AOPEP: variants seen among roughly 807,000 people sequenced by gnomAD.
The protein encoded by AOPEP is aminopeptidase O (putative).
AOPEP carries 77 observed loss-of-function variants against 98.1 expected under a neutral mutation model. The observed-to-expected ratio is 0.78, with a 90% CI of 0.65 to 0.95. The LOEUF (loss-of-function observed/expected upper bound fraction) is 0.95, where lower values mean the gene tolerates loss of function less well. Among genes scored for constraint, AOPEP ranks in the 40% least tolerant of loss-of-function variants. The probability of loss-of-function intolerance (pLI) is 0.00; values close to 1 mark genes in which losing one functional copy is unlikely to be tolerated. For synonymous variants in AOPEP, 346 were observed against 365.3 expected (o/e 0.95, Z 0.60); for missense variants, 1,024 against 1,024.7 (o/e 1.00, Z 0.01).
intron 13 of AOPEP, among the ~76,000 whole-genome samples, chr9:95,057,932 A>G (rs1259892103): frequency 6.6e-6 from 1 of 152,178 alleles, no homozygotes; most frequent in Non-Finnish European, 1.5e-5. Context: ...GGGAGTGTCC[A>G]TCCTTGCTTC....
chr9:94,800,815 AC>A lies in AOPEP; in HGVS notation c.1179del (p.Thr394ProfsTer26). The A allele has an allele frequency of 1.2e-6, 2 of 1,614,164 alleles. No homozygotes were observed. Among genetic ancestry groups the A allele is most frequent in the Non-Finnish European group, 1.7e-6 (2 of 1,180,024 alleles). ...CTGCCGCTTCCAGAATGCTTCTGCCACCACCCAGGAGATCATTCCTCATCGG... is the reference window on the plus strand; with the variant it reads ...CTGCCGCTTCCAGAATGCTTCTGCCACACCCAGGAGATCATTCCTCATCGG... ...YPCRFQNASA[T>X]TQEIIPHRVF... On this transcript the variant is annotated frameshift_variant, in exon 5 of 17. Coordinates refer to ENST00000375315, the MANE Select transcript of AOPEP (RefSeq NM_001193329.3). LOFTEE classifies it high-confidence loss of function.
intron 2 of AOPEP, among the ~76,000 whole-genome samples, chr9:94,768,996 AAC>A (rs1840253123): frequency 6.6e-6 from 1 of 152,346 alleles, no homozygotes; most frequent in African/African-American, 2.4e-5. Flanking sequence ...ATTCATTATA[AAC>A]ACACATAGAT....
At chr9:95,122,008 C>T in the AOPEP span, among the ~76,000 whole-genome samples, 99 of 152,158 alleles carry the variant, frequency 6.5e-4, no homozygotes, top group African/African-American at 2.2e-3. Flanking sequence ...TAAGCGCCCA[C>T]CACCATGCCC....
At chr9:95,061,358 A>G (rs1051538296) in intron 14 of AOPEP, among the ~76,000 whole-genome samples, 27 of 152,266 alleles carry the variant, frequency 1.8e-4, no homozygotes, top group African/African-American at 6.0e-4. Context: ...TTAAAAAAAT[A>G]CAAAATAGTA....
chr9:95,001,492 T>C (rs538650711), intron 11 of AOPEP, among the ~76,000 whole-genome samples: 24 of 152,322 alleles, frequency 1.6e-4, no homozygotes, highest in African/African-American at 5.3e-4. Context: ...TCCCCCACTA[T>C]AGAATTCCAG....
At chr9:94,953,104 T>G (rs1475956650) in intron 7 of AOPEP, among the ~76,000 whole-genome samples, 5 of 152,182 alleles carry the variant, frequency 3.3e-5, no homozygotes, top group Admixed American at 2.6e-4. Flanking sequence ...GCAACCTAGT[T>G]TGAGTTCAGA....
At chr9:95,067,493 A>G (rs1175124104) in intron 14 of AOPEP, among the ~76,000 whole-genome samples, 1 of 152,120 alleles carries the variant, frequency 6.6e-6, no homozygotes, top group East Asian at 1.9e-4. Flanking sequence ...GGTGGAAGCA[A>G]ATGCCCAGGC....
chr9:95,138,459 G>A, the AOPEP span, among the ~76,000 whole-genome samples: 282 of 152,360 alleles, frequency 1.9e-3, no homozygotes, highest in Non-Finnish European at 3.5e-3. Flanking sequence ...CCTGGGTGTG[G>A]AGAGGGTGCT....
chr9:95,144,500 G>T, the AOPEP span, among the ~76,000 whole-genome samples: 1 of 152,230 alleles, frequency 6.6e-6, no homozygotes, highest in Non-Finnish European at 1.5e-5. Flanking sequence ...AGCAGGAGTA[G>T]CTGTTCTCTG....
intron 1 of AOPEP, among the ~76,000 whole-genome samples, chr9:94,736,328 T>G (rs1337317227): frequency 6.6e-6 from 1 of 151,800 alleles, no homozygotes; most frequent in Non-Finnish European, 1.5e-5. Context: ...CATTTGATAT[T>G]GAAAAAAATC....
intron 5 of AOPEP, among the ~76,000 whole-genome samples, chr9:94,861,394 A>G (rs546922640): frequency 2.8e-4 from 42 of 152,328 alleles, no homozygotes; most frequent in African/African-American, 9.9e-4. Context: ...AGAGAAACAT[A>G]TACTGGTTCT....
intron 13 of AOPEP, among the ~76,000 whole-genome samples, chr9:95,051,529 A>G (rs958299478): frequency 2.6e-5 from 4 of 152,196 alleles, no homozygotes; most frequent in African/African-American, 9.7e-5. Flanking sequence ...AAAGCAAACT[A>G]GATTGTTATA....
chr9:94,939,120 C>T (rs1390209445), intron 7 of AOPEP, among the ~76,000 whole-genome samples: 4 of 151,868 alleles, frequency 2.6e-5, no homozygotes, highest in South Asian at 2.1e-4. Context: ...TGGTGGCAGG[C>T]GCCTGTAGTC....
intron 1 of AOPEP, among the ~76,000 whole-genome samples, chr9:94,753,829 C>T (rs1367925659): frequency 6.6e-5 from 10 of 152,164 alleles, no homozygotes; most frequent in African/African-American, 2.4e-4. Flanking sequence ...TCAGGCAAAA[C>T]GGAATTTCTA....
At chr9:94,883,233 C>T (rs2047797936) in intron 5 of AOPEP, among the ~76,000 whole-genome samples, 1 of 152,150 alleles carries the variant, frequency 6.6e-6, no homozygotes. Context: ...ACTTCTACTC[C>T]AGATCTGATG....
intron 7 of AOPEP, among the ~76,000 whole-genome samples, chr9:94,942,163 C>T (rs1235126811): frequency 1.3e-5 from 2 of 152,138 alleles, no homozygotes; most frequent in Non-Finnish European, 2.9e-5. Flanking sequence ...CTTATTTTGC[C>T]CATCCTAAGG....
intron 5 of AOPEP, among the ~76,000 whole-genome samples, chr9:94,915,734 C>T (rs1218065279): frequency 6.6e-6 from 1 of 152,232 alleles, no homozygotes; most frequent in Non-Finnish European, 1.5e-5. Flanking sequence ...CCCAGCAGGG[C>T]AAGTCAACAG....
At chr9:94,825,349 T>TC (rs1350686460) in intron 5 of AOPEP, among the ~76,000 whole-genome samples, 19 of 152,306 alleles carry the variant, frequency 1.2e-4, no homozygotes, top group Admixed American at 7.8e-4. Flanking sequence ...TTCTCTCCCC[T>TC]TGAGAGGGGA....
At chr9:94,744,040 C>A (rs534254416) in intron 1 of AOPEP, among the ~76,000 whole-genome samples, 12 of 152,182 alleles carry the variant, frequency 7.9e-5, no homozygotes, top group Admixed American at 4.6e-4. Context: ...TACTGAATAA[C>A]AAGGCAATGG....
Sources: allele counts gnomAD v4.1 joint callset (sites outside exome capture counted in the v4.1 genomes callset), GRCh38; gene constraint gnomAD v4.1.1; transcripts MANE v1.5; gene names NCBI Gene and HGNC (gene_info 2026-07-23, HGNC 2026-07-21).